CASK: variants seen among roughly 807,000 people sequenced by gnomAD.
CASK encodes calcium/calmodulin dependent serine protein kinase.
CASK carries 4 observed loss-of-function variants against 82.9 expected under a neutral mutation model. The observed-to-expected ratio is 0.05, with a 90% CI of 0.02 to 0.11. The LOEUF (loss-of-function observed/expected upper bound fraction) is 0.11, where lower values mean the gene tolerates loss of function less well. CASK is among the 10% of genes least tolerant of loss of function. The pLI, the probability that CASK is intolerant of heterozygous loss-of-function variation, is 1.00. For missense variants in CASK, 358 were observed against 720.9 expected (o/e 0.50, Z 5.76); for synonymous variants, 259 against 253.5 (o/e 1.02, Z -0.20).
intron 2 of CASK, among the ~76,000 whole-genome samples, chrX:41,832,568 T>C (rs1446695234): frequency 8.9e-6 from 1 of 112,633 alleles, no homozygotes; most frequent in Non-Finnish European, 1.9e-5. Context: ...ACAGTCGATC[T>C]TCATTATTTG....
intron 12 of CASK, among the ~76,000 whole-genome samples, chrX:41,609,241 G>T (rs183009227): frequency 9.0e-6 from 1 of 111,000 alleles, no homozygotes; most frequent in East Asian, 2.9e-4. Context: ...TCAGCCTCCC[G>T]AGTAGCCAGG....
chrX:41,665,376 C>G lies in CASK; in HGVS notation c.609G>C (p.Trp203Cys). 1 of 1,209,221 alleles carries G rather than the reference C, an allele frequency of 8.3e-7. No homozygotes were observed. The change falls in exon 7 of 27, where the codon TGG becomes TGC. Residue 203 changes from tryptophan to cysteine, a missense_variant. Coordinates refer to ENST00000378163, the MANE Select transcript of CASK (RefSeq NM_001367721.1). ...GGATAAAAAGGATCACACCGCACCC[C>G]CAGACGTCTACAGGCTTTCCGTAAG... Reference protein sequence around the residue: ...REPYGKPVDVWGCGVILFILL... With the variant: ...REPYGKPVDVCGCGVILFILL...
rs372557420 is a variant in CASK at position 41,553,932 on chromosome X, C to A, written c.1843-17G>T. The stretch of plus-strand genomic sequence containing the variant: ...TACATAGATCTATAAAACAGGAGTT[C>A]GTAAGAAAGGATGCCATAGTGATGT... On this transcript the variant is annotated splice_polypyrimidine_tract_variant and intron_variant, in intron 20 of 26. Transcript: ENST00000378163. 1 of 1,125,795 alleles carries A rather than the reference C, an allele frequency of 8.9e-7. No homozygotes were observed. Among genetic ancestry groups the A allele is most frequent in the East Asian group, 3.0e-5 (1 of 33,459 alleles). 92.8% of individuals were successfully genotyped at this position (1,125,795 alleles called of 1,213,427 possible).
At chrX:41,817,170 T>C (rs2070429096) in intron 2 of CASK, among the ~76,000 whole-genome samples, 1 of 112,022 alleles carries the variant, frequency 8.9e-6, no homozygotes, top group South Asian at 3.7e-4. Context: ...AAATCCAACA[T>C]CCATTCCTAC....
intron 25 of CASK, among the ~76,000 whole-genome samples, chrX:41,530,086 T>A (rs1436625533): frequency 9.0e-6 from 1 of 111,461 alleles, no homozygotes; most frequent in South Asian, 3.8e-4. Flanking sequence ...TTTCAGCAGG[T>A]AGCATACTGG....
chrX:41,860,493 A>G (rs937466161), intron 1 of CASK, among the ~76,000 whole-genome samples: 2 of 112,382 alleles, frequency 1.8e-5, no homozygotes, highest in Non-Finnish European at 3.8e-5. Flanking sequence ...TTGCCACTAA[A>G]GAAGAGCTTA....
intron 8 of CASK, among the ~76,000 whole-genome samples, chrX:41,641,749 G>C (rs758503788): frequency 9.2e-6 from 1 of 109,163 alleles, no homozygotes; most frequent in South Asian, 3.9e-4. Flanking sequence ...TCATGTTATA[G>C]TTTTTTTTAT....
intron 14 of CASK, among the ~76,000 whole-genome samples, chrX:41,582,034 C>G (rs1008338062): frequency 9.0e-6 from 1 of 110,985 alleles, no homozygotes; most frequent in Non-Finnish European, 1.9e-5. Context: ...ACATCCCAAC[C>G]ATCAGCAAGT....
At chrX:41,648,427 T>A (rs952619540) in intron 8 of CASK, among the ~76,000 whole-genome samples, 1 of 111,504 alleles carries the variant, frequency 9.0e-6, no homozygotes, top group African/African-American at 3.3e-5. Flanking sequence ...ACTTGCCTTG[T>A]AATATTCTAT....
chrX:41,913,893 G>T (rs2072627270), intron 1 of CASK, among the ~76,000 whole-genome samples: 1 of 111,898 alleles, frequency 8.9e-6, no homozygotes, highest in South Asian at 3.7e-4. Context: ...AAGCCACAGA[G>T]CAACCGCATT....
chrX:41,867,077 T>C (rs1192026424), intron 1 of CASK, among the ~76,000 whole-genome samples: 1 of 112,312 alleles, frequency 8.9e-6, no homozygotes, highest in Non-Finnish European at 1.9e-5. Flanking sequence ...TTGGTGTTTT[T>C]AATAACAATT....
At chrX:41,902,761 G>T (rs556388219) in intron 1 of CASK, among the ~76,000 whole-genome samples, 6 of 112,111 alleles carry the variant, frequency 5.4e-5, no homozygotes, top group African/African-American at 1.9e-4. Flanking sequence ...CATAAAGTTA[G>T]AAAATATGAC....
At chrX:41,751,330 C>T (rs1471213760) in intron 3 of CASK, among the ~76,000 whole-genome samples, 1 of 111,422 alleles carries the variant, frequency 9.0e-6, no homozygotes, top group Non-Finnish European at 1.9e-5. Flanking sequence ...CTCAAACGAT[C>T]CTTTTGCTTG....
chrX:41,573,146 G>C (rs576308486), intron 15 of CASK, among the ~76,000 whole-genome samples: 5 of 94,555 alleles, frequency 5.3e-5, no homozygotes, highest in African/African-American at 2.0e-4. Context: ...ATGATGTCTT[G>C]GCTCACTCCA....
At chrX:41,776,276 C>A (rs1195446273) in intron 3 of CASK, among the ~76,000 whole-genome samples, 1 of 112,192 alleles carries the variant, frequency 8.9e-6, no homozygotes, top group African/African-American at 3.2e-5. Context: ...AGGAATTTTT[C>A]AGCTCCATTA....
chrX:41,682,529 G>GAAAA (rs869093187), intron 5 of CASK, among the ~76,000 whole-genome samples: 7 of 23,176 alleles, frequency 3.0e-4, no homozygotes, highest in Non-Finnish European at 3.8e-4. Context: ...ACTGTCTCAG[G>GAAAA]AAAAAAAAAA....
At chrX:41,601,324 G>C (rs1387718563) in intron 12 of CASK, among the ~76,000 whole-genome samples, 1 of 111,907 alleles carries the variant, frequency 8.9e-6, no homozygotes, top group Non-Finnish European at 1.9e-5. Context: ...TCAAAAAGCT[G>C]TGAATTTTTG....
intron 8 of CASK, among the ~76,000 whole-genome samples, chrX:41,642,022 T>G (rs1354462145): frequency 1.8e-5 from 2 of 109,913 alleles, no homozygotes; most frequent in Non-Finnish European, 3.8e-5. Flanking sequence ...TCTGATAGTT[T>G]GCTGAGAATG....
intron 2 of CASK, among the ~76,000 whole-genome samples, chrX:41,789,745 TTC>T (rs764868092): frequency 1.8e-5 from 2 of 111,672 alleles, no homozygotes; most frequent in South Asian, 7.6e-4. Context: ...CTTTCATATC[TTC>T]TGTTTTCGAC....
Sources: allele counts gnomAD v4.1 joint callset (sites outside exome capture counted in the v4.1 genomes callset), GRCh38; gene constraint gnomAD v4.1.1; transcripts MANE v1.5; gene names NCBI Gene and HGNC (gene_info 2026-07-23, HGNC 2026-07-21).